The following APOA5 variants were observed in gnomAD, a reference collection of about 807,000 sequenced individuals.
APOA5 encodes apolipoprotein A-V.
APOA5 carries 26 observed loss-of-function variants against 31.8 expected under a neutral mutation model. The observed-to-expected ratio is 0.82, with a 90% CI of 0.60 to 1.13. The LOEUF is 1.13. APOA5 is among the 50% of genes most tolerant of loss of function. APOA5 has a pLI of 0.00. For synonymous variants in APOA5, 186 were observed against 198.5 expected (o/e 0.94, Z 0.53); for missense variants, 450 against 488.0 (o/e 0.92, Z 0.73).
upstream of APOA5, among the ~76,000 whole-genome samples, chr11:116,792,143 GGTCC>G (rs1565325829): frequency 6.6e-6 from 1 of 152,078 alleles, no homozygotes; most frequent in African/African-American, 2.4e-5. Flanking sequence ...CCTTCGCAAA[GGTCC>G]CAGACCCCAG....
At chr11:116,791,730 G>A (rs1941017783) in intron 1 of APOA5, 33 bp from the exon 2 acceptor site, 1 of 1,610,396 alleles carries the variant, frequency 6.2e-7, no homozygotes, top group South Asian at 1.1e-5. Flanking sequence ...CAGGGCCTGG[G>A]CTCTCCTCCC....
At position 116,790,288 on chromosome 11, in the gene APOA5, A is replaced by T; in HGVS notation, c.941T>A (p.Leu314Gln). Residue 314 changes from leucine (L) to glutamine (Q), a missense_variant, in exon 3 of 3, where the codon CTG (leucine) becomes CAG (glutamine). Coordinates refer to ENST00000227665, the MANE Select transcript of APOA5 (RefSeq NM_001371904.1). ...ACTGTGGCCTGGTGGAGGTGGCGCCAGCTGCTGCTGGACCTCCTCAGTCTC... is the reference window on the plus strand; with the variant it reads ...ACTGTGGCCTGGTGGAGGTGGCGCCTGCTGCTGCTGGACCTCCTCAGTCTC... The part of the protein sequence containing the change: ...DQETEEVQQQ[L>Q]APPPPGHSAF... 6.2e-7 allele frequency: 1 copy of T among 1,614,256 alleles called. No individual in the cohort carries two copies. The highest frequency in any genetic ancestry group is 1.1e-5 in the South Asian group (1 of 91,088).
At chr11:116,792,034 C>A (rs1941023691), upstream of APOA5, 2 of 698,312 alleles carry the variant, frequency 2.9e-6, no homozygotes, top group African/African-American at 1.8e-5. Context: ...GAGGACTGAC[C>A]TAGGTGAGTC....
At chr11:116,791,440 T>C (rs962704540) in intron 2 of APOA5, 146 bp downstream of exon 2, 1 of 909,090 alleles carries the variant, frequency 1.1e-6, no homozygotes, top group Non-Finnish European at 1.7e-6. Flanking sequence ...GAGCCCAGGA[T>C]GGCCGGGATC....
At position 116,789,856 on chromosome 11, in the gene APOA5, C is replaced by T. The variant is rs1591312163; in HGVS notation, c.*272G>A. 3 of 548,812 alleles carry T rather than the reference C, an allele frequency of 5.5e-6. No homozygotes were observed. In the East Asian group the frequency reaches 9.5e-5, roughly 17 times the overall value. The allele number at this position is 548,812 out of a possible 1,614,324, so 34.0% of individuals were successfully genotyped here. A position where few individuals can be genotyped will look rare whatever the true frequency, so the allele number is the denominator to read the frequency against. On this transcript the variant is annotated 3_prime_UTR_variant, in exon 3 of 3. Coordinates refer to ENST00000227665, the MANE Select transcript of APOA5 (RefSeq NM_001371904.1). The stretch of plus-strand genomic sequence containing the variant: ...CATGGTGCCTCTCCCTCCCTACTCC[C>T]TCACCCTTGAATGGAGTAACTCATG...
chr11:116,790,916 C>A lies in APOA5; in HGVS notation c.313G>T (p.Ala105Ser), dbSNP rs146964666. The change falls in exon 3 of 3, where the codon GCT (alanine) becomes TCT (serine). Residue 105 changes from alanine (A) to serine (S), a missense_variant. Transcript: ENST00000227665. Reference sequence around the variant, plus strand: ...TCTGCCATGTAGGGCTGGAGGCGAGCCTTCACCTCCTCCAACTCCTCCTGC... The same window carrying A: ...TCTGCCATGTAGGGCTGGAGGCGAGACTTCACCTCCTCCAACTCCTCCTGC... ...QLQEELEEVK[A>S]RLQPYMAEAH... 1.8e-5 allele frequency: 29 copies of A among 1,613,394 alleles called. No homozygotes were observed. The African/African-American group carries it at 3.3e-4, about 19-fold the overall frequency.
In APOA5 at chr11:116,790,480, A is replaced by G. The variant is rs2134202946; in HGVS notation, c.749T>C (p.Leu250Pro). Reference protein sequence around the residue: ...KALHARIQQNLDQLREELSRA... With the variant: ...KALHARIQQNPDQLREELSRA... ...GCTGAGCTCTTCGCGCAGCTGGTCC[A>G]GGTTCTGCTGGATGCGTGCGTGCAG... is the stretch of plus-strand genomic sequence containing the variant. The change falls in exon 3 of 3, where the codon CTG (leucine) becomes CCG (proline). Residue 250 changes from leucine (L) to proline (P), a missense_variant. Coordinates refer to ENST00000227665, the MANE Select transcript of APOA5 (RefSeq NM_001371904.1). The G allele has an allele frequency of 6.2e-7, 1 of 1,602,622 alleles. No individual in the cohort carries two copies. Among genetic ancestry groups the G allele is most frequent in the Non-Finnish European group, 8.5e-7 (1 of 1,179,782 alleles).
chr11:116,791,927 C>T (rs1489054788), upstream of APOA5: 9 of 1,576,446 alleles, frequency 5.7e-6, no homozygotes, highest in Admixed American at 5.2e-5. Flanking sequence ...AGGGACATGG[C>T]GCAGGGGACT....
rs1565325687 is a variant in APOA5, at chr11:116,791,821, G to A, written c.40C>T (p.Leu14Phe). 6.2e-7 allele frequency: 1 copy of A among 1,614,240 alleles called. No individual in the cohort carries two copies. Among genetic ancestry groups the A allele is most frequent in the Admixed American group, 1.7e-5 (1 of 60,030 alleles). ...MAAVLTWALA[L>F]LSAFSATQAR... ...AGGGTCGGAGACCCACCTGAAAGAAGAGCCAGAGCCCAGGTGAGCACGGCA... is the reference window on the plus strand; with the variant it reads ...AGGGTCGGAGACCCACCTGAAAGAAAAGCCAGAGCCCAGGTGAGCACGGCA... The change falls in exon 1 of 3, where the codon CTT becomes TTT. Residue 14 changes from leucine (L) to phenylalanine (F), a missense_variant. Transcript: ENST00000227665.
rs912799696 is a variant in APOA5, at chr11:116,791,289, A to G, written c.162-222T>C. 9.9e-6 allele frequency: 7 copies of G among 704,788 alleles called. No homozygotes were observed. The Admixed American group carries it at 1.0e-4, about 10-fold the overall frequency. The allele number at this position is 704,788 out of a possible 1,614,324, so 43.7% of individuals were successfully genotyped here. ...GACCTACAACACTCTCCAAAGAAACATAGATGCGCCACATCATCCTTTGAT... is the reference window on the plus strand; with the variant it reads ...GACCTACAACACTCTCCAAAGAAACGTAGATGCGCCACATCATCCTTTGAT... On this transcript the variant is annotated intron_variant, in intron 2 of 2. Transcript: ENST00000227665.
Position 116,790,809 on chromosome 11 carries a change from C to T in APOA5, c.420G>A (p.Val140=), listed in dbSNP as rs748592317. The change falls in exon 3 of 3, where the codon GTG becomes GTA. Residue 140 remains valine (V), a synonymous_variant. Transcript: ENST00000227665. ...KPYTMDLMEQ[V]ALRVQELQEQ... ...CCTGCAGCTCCTGCACGCGCAGGGCCACCTGCTCCATCAGATCCATCGTGT... is the reference window on the plus strand; with the variant it reads ...CCTGCAGCTCCTGCACGCGCAGGGCTACCTGCTCCATCAGATCCATCGTGT... 17 of 1,613,870 alleles carry T rather than the reference C, an allele frequency of 1.1e-5. No individual in the cohort carries two copies. In the South Asian group the frequency reaches 1.3e-4, roughly 13 times the overall value.
Position 116,790,068 on chromosome 11 carries a change from A to G in APOA5, c.*60T>C, listed in dbSNP as rs1215575398. ...ACTTTCAAGGACTGAACCATGCTAG[A>G]GGCTCAGAGCCAAGGCTCCCCAGAC... On this transcript the variant is annotated 3_prime_UTR_variant, in exon 3 of 3. Coordinates refer to ENST00000227665, the MANE Select transcript of APOA5 (RefSeq NM_001371904.1). 2.6e-6 allele frequency: 4 copies of G among 1,558,390 alleles called. No homozygotes were observed. Among genetic ancestry groups the G allele is most frequent in the Non-Finnish European group, 3.5e-6 (4 of 1,140,662 alleles).
intron 2 of APOA5, 129 bp from the exon 3 acceptor site, chr11:116,791,196 C>G (rs1941004655): frequency 2.4e-6 from 2 of 838,906 alleles, no homozygotes; most frequent in African/African-American, 1.7e-5. Flanking sequence ...GGGTCGAGGG[C>G]TCTTGTCCTA....
In APOA5 at chr11:116,791,641, C is replaced by G. The variant is rs146323308; in HGVS notation, c.106G>C (p.Gly36Arg). The stretch of plus-strand genomic sequence containing the variant: ...ATCTGCTCCACCCTGCCTTTGTCCC[C>G]GCTGGTCTGGCTGAAGTAGTCCCAG... ...GFWDYFSQTS[G>R]DKGRVEQIHQ... Residue 36 changes from glycine (G) to arginine (R), a missense_variant, in exon 2 of 3, where the codon GGG becomes CGG. By Grantham distance (125) the Gly-to-Arg change is moderately radical. Transcript: ENST00000227665. The G allele has an allele frequency of 6.2e-7, 1 of 1,610,430 alleles. No homozygotes were observed. The highest frequency in any genetic ancestry group is 8.5e-7 in the Non-Finnish European group (1 of 1,178,316).
chr11:116,790,614 G>T lies in APOA5; in HGVS notation c.615C>A (p.His205Gln), dbSNP rs752477156. 17 of 1,608,148 alleles carry T rather than the reference G, an allele frequency of 1.1e-5. No homozygotes were observed. Among genetic ancestry groups the T allele is most frequent in the Non-Finnish European group, 1.3e-5 (15 of 1,179,672 alleles). Reference sequence around the variant, plus strand: ...CCACACTGCGGTGCAGCTCCTGCACGTGGCGCCCGATGCCGCTCACCAGGC... The same window carrying T: ...CCACACTGCGGTGCAGCTCCTGCACTTGGCGCCCGATGCCGCTCACCAGGC... Reference protein sequence around the residue: ...AESLVSGIGRHVQELHRSVAP... With the variant: ...AESLVSGIGRQVQELHRSVAP... Residue 205 changes from histidine (H) to glutamine (Q), a missense_variant, in exon 3 of 3, where the codon CAC (histidine) becomes CAA (glutamine). Coordinates refer to ENST00000227665, the MANE Select transcript of APOA5 (RefSeq NM_001371904.1).
Position 116,790,916 on chromosome 11 carries a change from C to T in APOA5, c.313G>A (p.Ala105Thr), listed in dbSNP as rs146964666. The T allele has an allele frequency of 6.2e-7, 1 of 1,613,512 alleles. No homozygotes were observed. Among genetic ancestry groups the T allele is most frequent in the Non-Finnish European group, 8.5e-7 (1 of 1,180,036 alleles). The change falls in exon 3 of 3, where the codon GCT (alanine) becomes ACT (threonine). Residue 105 changes from alanine (A) to threonine (T), a missense_variant. Coordinates refer to ENST00000227665, the MANE Select transcript of APOA5 (RefSeq NM_001371904.1). ...QLQEELEEVKARLQPYMAEAH... is the reference protein window; with the variant it reads ...QLQEELEEVKTRLQPYMAEAH... Reference sequence around the variant, plus strand: ...TCTGCCATGTAGGGCTGGAGGCGAGCCTTCACCTCCTCCAACTCCTCCTGC... The same window carrying T: ...TCTGCCATGTAGGGCTGGAGGCGAGTCTTCACCTCCTCCAACTCCTCCTGC...
chr11:116,791,114 T>A, intron 2 of APOA5, 47 bp from the exon 3 acceptor site: 1 of 1,461,614 alleles, frequency 6.8e-7, no homozygotes, highest in Non-Finnish European at 9.4e-7. Context: ...CTAGCCTCCA[T>A]CATCTCCTTT....
chr11:116,791,262 C>G (rs189405591), intron 2 of APOA5, 195 bp from the exon 3 acceptor site: 427 of 708,402 alleles, frequency 6.0e-4, no homozygotes, highest in Non-Finnish European at 7.3e-4. Flanking sequence ...CATACAAATC[C>G]AGACCTACAA....
chr11:116,790,307 C>G lies in APOA5; in HGVS notation c.922G>C (p.Glu308Gln). 6.2e-7 allele frequency: 1 copy of G among 1,614,270 alleles called. No homozygotes were observed. The change falls in exon 3 of 3, where the codon GAG becomes CAG. Residue 308 changes from glutamate to glutamine, a missense_variant. By Grantham distance (29) the Glu-to-Gln change is conservative (BLOSUM62 2). Transcript: ENST00000227665. ...AFTRAIDQET[E>Q]EVQQQLAPPP... ...GGCGCCAGCTGCTGCTGGACCTCCT[C>G]AGTCTCCTGGTCGATGGCGCGAGTG...
Sources: gnomAD v4.1 joint callset for allele counts (sites outside exome capture counted in the v4.1 genomes callset) on GRCh38, gnomAD v4.1.1 for gene constraint, MANE v1.5 for transcripts, NCBI Gene and HGNC (gene_info 2026-07-23, HGNC 2026-07-21) for gene names.